The following COL25A1 variants were observed in gnomAD, a reference collection of about 807,000 sequenced individuals.
The protein encoded by COL25A1 is collagen type XXV alpha 1 chain, also known as collagen alpha-1(XXV) chain.
Under a neutral mutation model 128.4 loss-of-function variants are expected in COL25A1, and 103 were observed. That is an observed-to-expected ratio of 0.80 (90% CI 0.68 to 0.94). COL25A1 has a LOEUF of 0.94. Ranked by LOEUF, COL25A1 falls within the 40% of genes least tolerant of loss-of-function variation. COL25A1 has a pLI of 0.00. For synonymous variants in COL25A1, 279 were observed against 277.2 expected (o/e 1.01, Z -0.06); for missense variants, 745 against 840.0 (o/e 0.89, Z 1.40).
chr4:109,253,437 A>G (rs1780797386), intron 3 of COL25A1, among the ~76,000 whole-genome samples: 1 of 152,090 alleles, frequency 6.6e-6, no homozygotes, highest in African/African-American at 2.4e-5. Flanking sequence ...AGGCAGGGAG[A>G]GCAAATTTTC....
At chr4:109,000,797 A>C (rs140923493) in intron 6 of COL25A1, among the ~76,000 whole-genome samples, 392 of 143,484 alleles carry the variant, frequency 2.7e-3, no homozygotes, top group African/African-American at 9.3e-3. Flanking sequence ...ACACTTTGTC[A>C]GGATTCAGAA....
chr4:109,083,364 C>T lies in COL25A1; in HGVS notation c.368-33185G>A, dbSNP rs553496983. Reference sequence around the variant, plus strand: ...AGCATAACAATTTTATTACTCCATACATTCCAGACTGCTTTATTTCTTCTT... The same window carrying T: ...AGCATAACAATTTTATTACTCCATATATTCCAGACTGCTTTATTTCTTCTT... On this transcript the variant is annotated intron_variant, in intron 3 of 37. Coordinates refer to ENST00000399132, the MANE Select transcript of COL25A1 (RefSeq NM_198721.4). Among the ~76,000 whole-genome samples the T allele has an allele frequency of 1.7e-3, 254 of 150,204 alleles. 3 individuals are homozygous for T. The highest frequency in any genetic ancestry group is 5.7e-3 in the African/African-American group (232 of 40,872).
At chr4:109,019,263 C>G (rs1169482115) in intron 5 of COL25A1, among the ~76,000 whole-genome samples, 1 of 151,360 alleles carries the variant, frequency 6.6e-6, no homozygotes, top group Non-Finnish European at 1.5e-5. Flanking sequence ...GCTCTCCTTG[C>G]TCCTCAGCTT....
At position 108,889,736 on chromosome 4, in the gene COL25A1, A is replaced by C; in HGVS notation, c.907-3T>G. On this transcript the variant is annotated splice_region_variant and splice_polypyrimidine_tract_variant and intron_variant, in intron 16 of 37. Coordinates refer to ENST00000399132, the MANE Select transcript of COL25A1 (RefSeq NM_198721.4). ...GCAGCAGATGATCCAGGGTCACCCT[A>C]AAACGAAACCCAGGAGAGATTATCT... 1 of 1,613,116 alleles carries C rather than the reference A, an allele frequency of 6.2e-7. No homozygotes were observed. Among genetic ancestry groups the C allele is most frequent in the African/African-American group, 1.3e-5 (1 of 75,010 alleles).
At chr4:108,853,807 G>A (rs1213704994) in intron 24 of COL25A1, among the ~76,000 whole-genome samples, 2 of 151,972 alleles carry the variant, frequency 1.3e-5, no homozygotes, top group African/African-American at 4.8e-5. Context: ...GAGAATGATG[G>A]TTTCCAGCTT....
chr4:108,898,451 C>A (rs1015249503), intron 15 of COL25A1, among the ~76,000 whole-genome samples: 2 of 152,084 alleles, frequency 1.3e-5, no homozygotes, highest in Non-Finnish European at 2.9e-5. Flanking sequence ...ATTTTTCAAA[C>A]ACTATTAAAA....
chr4:108,923,812 T>C (rs1745735649), intron 11 of COL25A1, among the ~76,000 whole-genome samples: 1 of 152,212 alleles, frequency 6.6e-6, no homozygotes, highest in Non-Finnish European at 1.5e-5. Flanking sequence ...ATTATTGTTA[T>C]CCTCATAATT....
chr4:109,032,867 G>C (rs554769840), intron 5 of COL25A1, among the ~76,000 whole-genome samples: 7 of 152,212 alleles, frequency 4.6e-5, no homozygotes, highest in Non-Finnish European at 1.0e-4. Flanking sequence ...AGTCTACTGG[G>C]GAGAGAATAA....
chr4:109,078,290 G>A lies in COL25A1; in HGVS notation c.368-28111C>T, dbSNP rs147781888. 6.2e-4 allele frequency among the ~76,000 whole-genome samples: 94 copies of A among 152,176 alleles called. 2 individuals carry two copies. In the East Asian group the frequency reaches 0.015, roughly 24 times the overall value. On this transcript the variant is annotated intron_variant, in intron 3 of 37. Transcript: ENST00000399132. Reference sequence around the variant, plus strand: ...TTGGTTCTATTTAAAAGTAGCCTCCGATACTTATGATGCTCCCTCTGAGTA... The same window carrying A: ...TTGGTTCTATTTAAAAGTAGCCTCCAATACTTATGATGCTCCCTCTGAGTA...
At chr4:109,047,529 A>G (rs1164568929) in intron 5 of COL25A1, among the ~76,000 whole-genome samples, 2 of 152,240 alleles carry the variant, frequency 1.3e-5, no homozygotes, top group African/African-American at 4.8e-5. Flanking sequence ...GGTGAAGTGT[A>G]TACTGCTCAG....
chr4:108,985,064 G>A (rs752743004), intron 6 of COL25A1, among the ~76,000 whole-genome samples: 7 of 152,232 alleles, frequency 4.6e-5, no homozygotes, highest in Non-Finnish European at 8.8e-5. Flanking sequence ...CTCAGGGCTT[G>A]TCTACCATTC....
intron 18 of COL25A1, among the ~76,000 whole-genome samples, chr4:108,888,458 C>T (rs1043748662): frequency 6.6e-6 from 1 of 152,204 alleles, no homozygotes; most frequent in Non-Finnish European, 1.5e-5. Flanking sequence ...CTAGCTACAT[C>T]TGTGGTCTAA....
intron 3 of COL25A1, among the ~76,000 whole-genome samples, chr4:109,170,773 A>C (rs1187098563): frequency 6.6e-6 from 1 of 152,184 alleles, no homozygotes; most frequent in African/African-American, 2.4e-5. Flanking sequence ...GGTGTCATCC[A>C]AAGTTTTTAA....
chr4:109,228,712 C>T (rs905509658), intron 3 of COL25A1, among the ~76,000 whole-genome samples: 5 of 152,078 alleles, frequency 3.3e-5, no homozygotes, highest in African/African-American at 1.2e-4. Context: ...CAGGCTTTTC[C>T]TACAATATGA....
chr4:108,828,572 T>TA (rs1301540302), intron 32 of COL25A1, among the ~76,000 whole-genome samples: 2 of 152,198 alleles, frequency 1.3e-5, no homozygotes, highest in African/African-American at 4.8e-5. Flanking sequence ...CTTGAACACT[T>TA]ATAAAGAATA....
chr4:108,983,744 G>A (rs901147129), intron 6 of COL25A1, among the ~76,000 whole-genome samples: 2 of 151,258 alleles, frequency 1.3e-5, no homozygotes, highest in Admixed American at 6.6e-5. Flanking sequence ...CTCTTAAGGC[G>A]GTGCGTCTGG....
intron 35 of COL25A1, among the ~76,000 whole-genome samples, chr4:108,822,575 C>A (rs1208795202): frequency 6.6e-6 from 1 of 151,990 alleles, no homozygotes; most frequent in Non-Finnish European, 1.5e-5. Flanking sequence ...TGCCACCATG[C>A]CCCACCATAT....
chr4:108,827,993 T>C (rs763247850), intron 32 of COL25A1, among the ~76,000 whole-genome samples: 2 of 152,172 alleles, frequency 1.3e-5, no homozygotes, highest in African/African-American at 4.8e-5. Context: ...ACAGGAGGGT[T>C]CTGGGGCCTC....
intron 3 of COL25A1, among the ~76,000 whole-genome samples, chr4:109,129,130 A>T (rs1426132344): frequency 6.6e-6 from 1 of 151,830 alleles, no homozygotes; most frequent in Non-Finnish European, 1.5e-5. Context: ...ATTTTGTCAA[A>T]TAATTTTTTT....
Sources: allele counts gnomAD v4.1 joint callset (sites outside exome capture counted in the v4.1 genomes callset), GRCh38; gene constraint gnomAD v4.1.1; transcripts MANE v1.5; gene names NCBI Gene and HGNC (gene_info 2026-07-23, HGNC 2026-07-21).